Variants in GLIS3 observed in about 807,000 individuals in gnomAD.
The protein encoded by GLIS3 is zinc finger protein GLIS3.
Under a neutral mutation model 78.6 loss-of-function variants are expected in GLIS3, and 53 were observed. The ratio of observed to expected loss-of-function variants is 0.67; its 90% confidence interval spans 0.54 to 0.85. The LOEUF (loss-of-function observed/expected upper bound fraction) is 0.85. Among genes scored for constraint, GLIS3 ranks in the 40% least tolerant of loss-of-function variants. The probability of loss-of-function intolerance (pLI) is 0.00; values close to 1 mark genes in which losing one functional copy is unlikely to be tolerated. For missense variants in GLIS3, 1,703 were observed against 1,231.1 expected (o/e 1.38, Z -5.74); for synonymous variants, 684 against 509.9 (o/e 1.34, Z -4.60).
At chr9:4,002,174 C>A (rs1360109328) in intron 4 of GLIS3, among the ~76,000 whole-genome samples, 1 of 152,132 alleles carries the variant, frequency 6.6e-6, no homozygotes, top group East Asian at 1.9e-4. Context: ...GGAGATGTGA[C>A]AATGGAAGCA....
chr9:4,164,750 T>TGA (rs1273052136), intron 2 of GLIS3, among the ~76,000 whole-genome samples: 1 of 152,136 alleles, frequency 6.6e-6, no homozygotes, highest in African/African-American at 2.4e-5. Context: ...TTGTATAAAG[T>TGA]GAGAGGCTTA....
chr9:4,208,789 TG>T (rs1820106540), intron 2 of GLIS3, among the ~76,000 whole-genome samples: 1 of 152,154 alleles, frequency 6.6e-6, no homozygotes. Context: ...TGCCTGGAGA[TG>T]GAACTCAATG....
intron 2 of GLIS3, among the ~76,000 whole-genome samples, chr9:4,227,486 G>A (rs186241645): frequency 9.9e-5 from 15 of 152,200 alleles, no homozygotes; most frequent in African/African-American, 2.9e-4. Context: ...ATATGGGGCC[G>A]ATCAGTATTC....
At chr9:4,187,155 C>T (rs1182878462) in intron 2 of GLIS3, among the ~76,000 whole-genome samples, 2 of 152,286 alleles carry the variant, frequency 1.3e-5, no homozygotes, top group South Asian at 2.1e-4. Flanking sequence ...TTTAATCCAT[C>T]TTGAATTAAT....
chr9:4,070,164 TG>T (rs1424876501), intron 4 of GLIS3, among the ~76,000 whole-genome samples: 1 of 152,210 alleles, frequency 6.6e-6, no homozygotes, highest in African/African-American at 2.4e-5. Flanking sequence ...TGAGATTTTG[TG>T]GTTGAGTCAG....
At chr9:3,849,742 T>C (rs1819302522) in intron 9 of GLIS3, among the ~76,000 whole-genome samples, 1 of 152,118 alleles carries the variant, frequency 6.6e-6, no homozygotes, top group Non-Finnish European at 1.5e-5. Flanking sequence ...ACCCCGTCTC[T>C]ACTAAAAATA....
chr9:3,951,277 A>T (rs759151919), intron 4 of GLIS3, among the ~76,000 whole-genome samples: 1 of 152,190 alleles, frequency 6.6e-6, no homozygotes, highest in Non-Finnish European at 1.5e-5. Flanking sequence ...TACTGAAAAG[A>T]CGTGGTAGTA....
intron 2 of GLIS3, among the ~76,000 whole-genome samples, chr9:4,211,442 C>T (rs1461090454): frequency 2.0e-5 from 3 of 152,202 alleles, no homozygotes; most frequent in African/African-American, 2.4e-5. Flanking sequence ...ATCCTGCACG[C>T]ACCTTTTTCT....
At chr9:4,154,581 A>G (rs1181854492) in intron 2 of GLIS3, among the ~76,000 whole-genome samples, 2 of 148,198 alleles carry the variant, frequency 1.3e-5, no homozygotes, top group African/African-American at 5.1e-5. Context: ...AGAGTTAAAG[A>G]CTTACATAAA....
At chr9:4,167,185 C>G (rs997120448) in intron 2 of GLIS3, among the ~76,000 whole-genome samples, 1 of 152,198 alleles carries the variant, frequency 6.6e-6, no homozygotes, top group African/African-American at 2.4e-5. Flanking sequence ...AAGAGCAAAG[C>G]TGCAACAGGA....
At chr9:4,188,396 G>C (rs1818007478) in intron 2 of GLIS3, among the ~76,000 whole-genome samples, 1 of 149,082 alleles carries the variant, frequency 6.7e-6, no homozygotes, top group East Asian at 2.0e-4. Context: ...GATTTGGTTT[G>C]CCAGTATTTT....
At chr9:4,432,861 G>A in the GLIS3 span, among the ~76,000 whole-genome samples, 8 of 151,704 alleles carry the variant, frequency 5.3e-5, no homozygotes, top group East Asian at 1.9e-4. Flanking sequence ...GTCTGGTCTC[G>A]AACTCCTAAC....
intron 7 of GLIS3, among the ~76,000 whole-genome samples, chr9:3,883,338 G>C (rs933100491): frequency 1.3e-5 from 2 of 152,154 alleles, no homozygotes; most frequent in Non-Finnish European, 2.9e-5. Context: ...GCACCAGGCA[G>C]GTGCTAATCT....
At chr9:4,254,173 C>A (rs987098683) in intron 2 of GLIS3, among the ~76,000 whole-genome samples, 1 of 152,148 alleles carries the variant, frequency 6.6e-6, no homozygotes, top group African/African-American at 2.4e-5. Flanking sequence ...ACATAACAGG[C>A]TAGGCATAAA....
intron 4 of GLIS3, among the ~76,000 whole-genome samples, chr9:3,942,753 A>G (rs768137533): frequency 3.3e-5 from 5 of 152,296 alleles, no homozygotes; most frequent in Admixed American, 6.5e-5. Flanking sequence ...ATTTCTAACA[A>G]TCTCCCAGGC....
rs563113856 is a variant in GLIS3, at chr9:4,265,128, C to T, written c.388+20910G>A. ...TAGAGCTTGCAGTGAGCCGAGATCACGCCACTGCACTCCAAACTGGGCAAC... is the reference window on the plus strand; with the variant it reads ...TAGAGCTTGCAGTGAGCCGAGATCATGCCACTGCACTCCAAACTGGGCAAC... On this transcript the variant is annotated intron_variant, in intron 2 of 10. Transcript: ENST00000381971. Among the ~76,000 whole-genome samples, 38 of 148,890 alleles carry T rather than the reference C, an allele frequency of 2.6e-4. 2 individuals are homozygous for T. Among genetic ancestry groups the T allele is most frequent in the Admixed American group, 2.0e-3 (30 of 14,928 alleles).
At chr9:4,160,030 T>C (rs944497590) in intron 2 of GLIS3, among the ~76,000 whole-genome samples, 2 of 151,898 alleles carry the variant, frequency 1.3e-5, no homozygotes, top group African/African-American at 4.9e-5. Context: ...GAACACAAAA[T>C]AATGCAAACG....
the GLIS3 span, among the ~76,000 whole-genome samples, chr9:4,430,285 A>G: frequency 6.6e-6 from 1 of 152,198 alleles, no homozygotes; most frequent in Non-Finnish European, 1.5e-5. Flanking sequence ...AGATCATCCT[A>G]TGTTTTTTAG....
At chr9:4,107,925 G>T (rs917535460) in intron 4 of GLIS3, among the ~76,000 whole-genome samples, 1 of 151,932 alleles carries the variant, frequency 6.6e-6, no homozygotes, top group African/African-American at 2.4e-5. Context: ...AAACCTCTAC[G>T]TATCCATCAT....
Sources: allele counts gnomAD v4.1 joint callset (sites outside exome capture counted in the v4.1 genomes callset), GRCh38; gene constraint gnomAD v4.1.1; transcripts MANE v1.5; gene names NCBI Gene and HGNC (gene_info 2026-07-23, HGNC 2026-07-21).